RPS10: variants seen among roughly 807,000 people sequenced by gnomAD.
The protein encoded by RPS10 is ribosomal protein S10, also known as small ribosomal subunit protein eS10.
In RPS10, 2 loss-of-function variants were observed where a neutral mutation model predicts 22.6. The observed-to-expected ratio is 0.09, with a 90% confidence interval of 0.04 to 0.28. The LOEUF (loss-of-function observed/expected upper bound fraction) is 0.28. Among genes scored for constraint, RPS10 ranks in the 10% least tolerant of loss-of-function variants. RPS10 has a pLI of 1.00. For synonymous variants in RPS10, 70 were observed against 75.9 expected, an observed-to-expected ratio of 0.92 and a Z score of 0.40; for missense variants, 137 against 222.2, an observed-to-expected ratio of 0.62 and a Z score of 2.44.
chr6:34,420,478 A>G lies in RPS10; in HGVS notation c.400+1252T>C, dbSNP rs541236948. Among the ~76,000 whole-genome samples the G allele has an allele frequency of 2.6e-5, 4 of 152,110 alleles. No individual in the cohort carries two copies. In the South Asian group the frequency reaches 6.2e-4, roughly 24 times the overall value. Reference sequence around the variant, plus strand: ...AGTGATCCACCTGCCTCGGCCTCCCAAAGTGCTGGGATTACAGGCATGAGC... The same window carrying G: ...AGTGATCCACCTGCCTCGGCCTCCCGAAGTGCTGGGATTACAGGCATGAGC... On this transcript the variant is annotated intron_variant, in intron 4 of 5. Transcript: ENST00000648437.
chr6:34,424,297 G>A, intron 3 of RPS10: 1 of 291,250 alleles, frequency 3.4e-6, no homozygotes. Flanking sequence ...TTCTCCTGTT[G>A]GCAAGAAAAC....
chr6:34,421,620 C>A, intron 4 of RPS10, 110 bp downstream of exon 4: 3 of 1,232,492 alleles, frequency 2.4e-6, no homozygotes, highest in Non-Finnish European at 3.6e-6. Context: ...AAGAATCTTT[C>A]CTGGTCATTT....
chr6:34,423,266 G>A, intron 3 of RPS10, among the ~76,000 whole-genome samples: 1 of 151,562 alleles, frequency 6.6e-6, no homozygotes, highest in Non-Finnish European at 1.5e-5. Context: ...TGGAGTTCCT[G>A]GGCTTAACCA....
At chr6:34,423,454 G>T (rs1486719435) in intron 3 of RPS10, among the ~76,000 whole-genome samples, 1 of 152,128 alleles carries the variant, frequency 6.6e-6, no homozygotes, top group South Asian at 2.1e-4. Flanking sequence ...TTTTAGAGCA[G>T]AAATAAATTA....
At chr6:34,424,564 G>T in intron 3 of RPS10, 105 bp downstream of exon 3, 1 of 1,480,904 alleles carries the variant, frequency 6.8e-7, no homozygotes, top group Non-Finnish European at 9.2e-7. Flanking sequence ...CCAAATGCCT[G>T]CAGGCCAGAG....
chr6:34,424,586 T>G lies in RPS10; in HGVS notation c.322+83A>C, dbSNP rs1765888179. The stretch of plus-strand genomic sequence containing the variant: ...CCTGCAGGCCAGAGCCCTCTAAAGC[T>G]GACATCAGCTAAGAATGCTTTTGTC... On this transcript the variant is annotated intron_variant, in intron 3 of 5. Coordinates refer to ENST00000648437, the MANE Select transcript of RPS10 (RefSeq NM_001014.5). 6 of 1,569,028 alleles carry G rather than the reference T, an allele frequency of 3.8e-6. No individual in the cohort carries two copies. In the East Asian group the frequency reaches 1.4e-4, roughly 36 times the overall value.
Position 34,421,882 on chromosome 6 carries a change from T to C in RPS10, c.323-75A>G, listed in dbSNP as rs867208404. The C allele has an allele frequency of 6.5e-6, 10 of 1,550,212 alleles. No individual in the cohort carries two copies. The Middle Eastern group carries it at 1.7e-3, about 260-fold the overall frequency. On this transcript the variant is annotated intron_variant, in intron 3 of 5. Coordinates refer to ENST00000648437, the MANE Select transcript of RPS10 (RefSeq NM_001014.5). ...TCCCTTAAAGCCAAGAAAACTGGCA[T>C]TGCTCTCCTGTTGTCACTCTCAGCA...
chr6:34,421,097 GTTTTT>G lies in RPS10; in HGVS notation c.400+628_400+632del, dbSNP rs554380258. On this transcript the variant is annotated intron_variant, in intron 4 of 5. Transcript: ENST00000648437. ...AAAAGCTCCACATTTTACCGAAGAG[GTTTTT>G]TTTTTTTTTTGAGACAGTCTTGCTC... Among the ~76,000 whole-genome samples the G allele has an allele frequency of 4.2e-3, 552 of 132,040 alleles. 7 individuals carry two copies. The highest frequency in any genetic ancestry group is 0.014 in the African/African-American group (495 of 35,642). 86.6% of individuals were successfully genotyped at this position (132,040 alleles called of 152,430 possible). A position where few individuals can be genotyped will look rare whatever the true frequency, so the allele number is the denominator to read the frequency against.
intron 4 of RPS10, among the ~76,000 whole-genome samples, chr6:34,419,728 C>A (rs1430672092): frequency 6.6e-6 from 1 of 152,046 alleles, no homozygotes; most frequent in Admixed American, 6.6e-5. Flanking sequence ...ATGTGCATAC[C>A]ACCACGCTTG....
At chr6:34,421,105 T>C (rs1426471779) in intron 4 of RPS10, among the ~76,000 whole-genome samples, 2 of 150,312 alleles carry the variant, frequency 1.3e-5, no homozygotes, top group African/African-American at 4.9e-5. Flanking sequence ...AGGTTTTTTT[T>C]TTTTTTTGAG....
intron 3 of RPS10, among the ~76,000 whole-genome samples, chr6:34,423,734 A>T (rs1376256972): frequency 6.6e-6 from 1 of 152,084 alleles, no homozygotes; most frequent in Admixed American, 6.6e-5. Context: ...AAATACAAAA[A>T]TTAGCTGGGT....
At position 34,422,706 on chromosome 6, in the gene RPS10, G is replaced by T. The variant is rs146748958; in HGVS notation, c.323-899C>A. Among the ~76,000 whole-genome samples the T allele has an allele frequency of 4.4e-4, 66 of 150,988 alleles. 2 individuals are homozygous for T. In the East Asian group the frequency reaches 0.013, roughly 30 times the overall value. On this transcript the variant is annotated intron_variant, in intron 3 of 5. Coordinates refer to ENST00000648437, the MANE Select transcript of RPS10 (RefSeq NM_001014.5). ...ACTCCTGGTCTCATGTGATCCTCCC[G>T]CCTTGGCCTCCCAAAGTGCTGGGAT...
intron 5 of RPS10, chr6:34,418,158 G>A: frequency 1.4e-6 from 2 of 1,476,398 alleles, no homozygotes; most frequent in South Asian, 1.4e-5. Context: ...CACATGTACT[G>A]ATTTCTGAGA....
chr6:34,424,833 T>C lies in RPS10; in HGVS notation c.158A>G (p.Lys53Arg), dbSNP rs1765898263. 1.9e-6 allele frequency: 3 copies of C among 1,613,798 alleles called. No individual in the cohort carries two copies. Among genetic ancestry groups the C allele is most frequent in the African/African-American group, 2.7e-5 (2 of 74,914 alleles). ...LHVMKAMQSL[K>R]SRGYVKEQFA... ...CTGTTCCTTCACGTAGCCTCGGGACTTGAGAGACTGTAAGGCAGAAAACTA... is the reference window on the plus strand; with the variant it reads ...CTGTTCCTTCACGTAGCCTCGGGACCTGAGAGACTGTAAGGCAGAAAACTA... Residue 53 changes from lysine to arginine, a missense_variant, in exon 3 of 6, where the codon AAG (lysine) becomes AGG (arginine). Transcript: ENST00000648437.
chr6:34,421,435 CG>C (rs755803496), intron 4 of RPS10, among the ~76,000 whole-genome samples: 48 of 148,788 alleles, frequency 3.2e-4, no homozygotes, highest in Non-Finnish European at 6.2e-4. Context: ...CTGCCCACTT[CG>C]ACCCCCCCCC....
intron 3 of RPS10, chr6:34,424,164 A>AAAAAAAAAAAAAAAAAAAAAAT: frequency 1.3e-5 from 2 of 149,106 alleles, no homozygotes; most frequent in Middle Eastern, 3.5e-3. Context: ...AAAAAAAAAA[A>AAAAAAAAAAAAAAAAAAAAAAT]GCAACTGTGA....
At chr6:34,425,008 A>G in intron 2 of RPS10, 64 bp downstream of exon 2, 2 of 1,610,826 alleles carry the variant, frequency 1.2e-6, no homozygotes, top group South Asian at 1.1e-5. Flanking sequence ...ATCCCATTCC[A>G]TCCCATCCCG....
At chr6:34,425,708 A>G (rs1368181600) in intron 1 of RPS10, 1 of 176,612 alleles carries the variant, frequency 5.7e-6, no homozygotes, top group Admixed American at 5.5e-5. Context: ...CCCAAACTAG[A>G]GCTCCAGTGC....
intron 4 of RPS10, among the ~76,000 whole-genome samples, chr6:34,419,539 G>A (rs1034929238): frequency 1.2e-4 from 18 of 151,612 alleles, no homozygotes; most frequent in East Asian, 3.9e-4. Context: ...AAATTAACAC[G>A]TTTAGATATT....
Sources: allele counts gnomAD v4.1 joint callset (sites outside exome capture counted in the v4.1 genomes callset), GRCh38; gene constraint gnomAD v4.1.1; transcripts MANE v1.5; gene names NCBI Gene and HGNC (gene_info 2026-07-23, HGNC 2026-07-21).